SAXO1: variants seen among roughly 807,000 people sequenced by gnomAD.
SAXO1 encodes the protein stabilizer of axonemal microtubules 1, also known as 4930500O09Rik.
Under a neutral mutation model 17.5 loss-of-function variants are expected in SAXO1, and 21 were observed. The observed-to-expected ratio is 1.20, with a 90% CI of 0.85 to 1.72. SAXO1 has a LOEUF of 1.72. SAXO1 is among the 40% of genes most tolerant of loss of function. The pLI is 0.00. For synonymous variants in SAXO1, 274 were observed against 216.5 expected (o/e 1.27, Z -2.33); for missense variants, 843 against 596.0 (o/e 1.41, Z -4.32).
intron 1 of SAXO1, among the ~76,000 whole-genome samples, chr9:18,989,060 A>C (rs2131837076): frequency 1.3e-5 from 2 of 152,316 alleles, no homozygotes; most frequent in Middle Eastern, 6.8e-3. Context: ...CAAAAAAAAC[A>C]GCTATAGAAT....
intron 1 of SAXO1, among the ~76,000 whole-genome samples, chr9:18,977,370 C>A (rs567741438): frequency 4.1e-5 from 6 of 144,720 alleles, no homozygotes; most frequent in African/African-American, 1.5e-4. Flanking sequence ...GGGCATACTG[C>A]TAATAGCTTT....
At chr9:18,982,618 G>A (rs1833437779) in intron 1 of SAXO1, among the ~76,000 whole-genome samples, 1 of 152,180 alleles carries the variant, frequency 6.6e-6, no homozygotes. Flanking sequence ...TCAGTTGGGA[G>A]GGAGAGCAAT....
At chr9:19,037,142 C>A (rs1835962498), upstream of SAXO1, among the ~76,000 whole-genome samples, 1 of 152,194 alleles carries the variant, frequency 6.6e-6, no homozygotes, top group Non-Finnish European at 1.5e-5. Flanking sequence ...TGTATTTACC[C>A]AGTACCTATA....
At chr9:18,938,903 G>A (rs908935374) in intron 3 of SAXO1, among the ~76,000 whole-genome samples, 5 of 149,330 alleles carry the variant, frequency 3.3e-5, no homozygotes, top group African/African-American at 1.2e-4. Context: ...GAAGTAGGGA[G>A]GACTTCTCTT....
intron 3 of SAXO1, among the ~76,000 whole-genome samples, chr9:18,933,938 A>C (rs543100067): frequency 7.2e-5 from 11 of 152,252 alleles, no homozygotes; most frequent in South Asian, 4.1e-4. Flanking sequence ...CCCAGCTACT[A>C]GGGAGGCTGA....
chr9:18,993,582 G>C (rs1408371055), intron 1 of SAXO1, among the ~76,000 whole-genome samples: 1 of 152,170 alleles, frequency 6.6e-6, no homozygotes, highest in Non-Finnish European at 1.5e-5. Context: ...ACAAGTTACA[G>C]TGCACTGAAA....
intron 1 of SAXO1, among the ~76,000 whole-genome samples, chr9:19,031,581 G>A (rs1193745229): frequency 3.9e-5 from 6 of 152,054 alleles, no homozygotes; most frequent in African/African-American, 9.7e-5. Flanking sequence ...AAAGAAAGGC[G>A]GCCTTAGAAA....
intron 3 of SAXO1, among the ~76,000 whole-genome samples, chr9:18,938,867 T>C (rs191246472): frequency 2.0e-5 from 3 of 151,390 alleles, no homozygotes; most frequent in East Asian, 2.0e-4. Context: ...TGTGTGTGTG[T>C]TGAGCGGTAA....
chr9:18,993,508 G>A (rs1463740102), intron 1 of SAXO1, among the ~76,000 whole-genome samples: 1 of 152,204 alleles, frequency 6.6e-6, no homozygotes, highest in African/African-American at 2.4e-5. Context: ...GTGAGAAGGT[G>A]CAGACATGTC....
At chr9:18,980,531 G>GGGGAA (rs1833332420) in intron 1 of SAXO1, among the ~76,000 whole-genome samples, 1 of 92,718 alleles carries the variant, frequency 1.1e-5, no homozygotes, top group Non-Finnish European at 2.0e-5. Context: ...GTAGTGGCGG[G>GGGGAA]GGGAGGGAGG....
intron 3 of SAXO1, among the ~76,000 whole-genome samples, chr9:18,929,935 G>A (rs1490942469): frequency 2.0e-5 from 3 of 152,176 alleles, no homozygotes; most frequent in African/African-American, 7.2e-5. Context: ...TTCCATACAT[G>A]ATCTTGTTTC....
chr9:19,049,062 G>C lies in SAXO1; in HGVS notation c.-158+147C>G, dbSNP rs1401279439. ...AGGCCTAAGCGGACTGGGAAGTTAG[G>C]CTTTCCCTCCACTTCACCAGTCGGC... On this transcript the variant is annotated intron_variant, in intron 1 of 3. Coordinates refer to the SAXO1 transcript ENST00000542071. The surrounding 1 kb of genome is among the most constrained non-coding windows in gnomAD (Gnocchi z 5.4). 6.6e-6 allele frequency: 1 copy of C among 152,418 alleles called. No individual in the cohort carries two copies. Among genetic ancestry groups the C allele is most frequent in the Non-Finnish European group, 1.5e-5 (1 of 68,244 alleles). The allele number at this position is 152,418 out of a possible 1,614,324, so 9.4% of individuals were successfully genotyped here.
chr9:18,967,615 A>C (rs1832772563), intron 1 of SAXO1, among the ~76,000 whole-genome samples: 1 of 152,212 alleles, frequency 6.6e-6, no homozygotes, highest in African/African-American at 2.4e-5. Flanking sequence ...CGAGTGTCCC[A>C]GGTCAACTTC....
chr9:19,023,092 CAT>C lies in SAXO1; in HGVS notation c.38+9777_38+9778del, dbSNP rs1707354416. On this transcript the variant is annotated intron_variant, in intron 1 of 3. Coordinates refer to ENST00000380534, the MANE Select transcript of SAXO1 (RefSeq NM_153707.4). ...AGGAGTAGATGAAGTCTTTGCAAAC[CAT>C]TCTTATCATCAATATTTAATCAAGC... Among the ~76,000 whole-genome samples, 4 of 152,126 alleles carry C rather than the reference CAT, an allele frequency of 2.6e-5. 1 individual carries two copies. The highest frequency in any genetic ancestry group is 6.5e-5 in the Admixed American group (1 of 15,282).
chr9:19,015,314 C>T (rs1188656746), intron 1 of SAXO1, among the ~76,000 whole-genome samples: 2 of 151,992 alleles, frequency 1.3e-5, no homozygotes, highest in African/African-American at 4.8e-5. Flanking sequence ...TACAAGTGTG[C>T]ACCACCATGT....
chr9:19,030,922 A>C (rs1423997411), intron 1 of SAXO1, among the ~76,000 whole-genome samples: 1 of 152,208 alleles, frequency 6.6e-6, no homozygotes, highest in Non-Finnish European at 1.5e-5. Context: ...TGGAATTCAG[A>C]AGACAGGAGA....
At chr9:19,030,516 G>T (rs1023688660) in intron 1 of SAXO1, among the ~76,000 whole-genome samples, 1 of 152,052 alleles carries the variant, frequency 6.6e-6, no homozygotes, top group Non-Finnish European at 1.5e-5. Flanking sequence ...AGACCAGCTG[G>T]CCAACATGGT....
intron 1 of SAXO1, among the ~76,000 whole-genome samples, chr9:18,981,091 TC>T (rs1308482729): frequency 1.3e-5 from 2 of 152,202 alleles, no homozygotes; most frequent in Non-Finnish European, 2.9e-5. Flanking sequence ...TCAAAGTCTT[TC>T]CAAGGAAACT....
At chr9:18,994,724 GC>G (rs2131850355) in intron 1 of SAXO1, among the ~76,000 whole-genome samples, 1 of 152,326 alleles carries the variant, frequency 6.6e-6, no homozygotes, top group South Asian at 2.1e-4. Context: ...AGGAAGGGCT[GC>G]CCCCAAAGTC....
Sources: allele counts gnomAD v4.1 joint callset (sites outside exome capture counted in the v4.1 genomes callset), GRCh38; gene constraint gnomAD v4.1.1; non-coding constraint Gnocchi (gnomAD v3.1); transcripts MANE v1.5; gene names NCBI Gene and HGNC (gene_info 2026-07-23, HGNC 2026-07-21).